The following RPP40 variants were observed in gnomAD, a reference collection of about 807,000 sequenced individuals.
The protein encoded by RPP40 is ribonuclease P/MRP subunit p40.
A neutral mutation model predicts 42.5 loss-of-function variants in RPP40; 30 were observed. The ratio of observed to expected loss-of-function variants is 0.71; its 90% confidence interval spans 0.53 to 0.96. RPP40 has a LOEUF of 0.96. Among genes scored for constraint, RPP40 ranks in the 40% least tolerant of loss-of-function variants. The pLI, the probability that RPP40 is intolerant of heterozygous loss-of-function variation, is 0.00. For synonymous variants in RPP40, 173 were observed against 164.0 expected (o/e 1.05, Z -0.42); for missense variants, 426 against 433.5 (o/e 0.98, Z 0.15).
At chr6:4,996,469 A>G (rs775782972) in intron 5 of RPP40, 49 bp from the exon 6 acceptor site, 1 of 1,585,406 alleles carries the variant, frequency 6.3e-7, no homozygotes, top group South Asian at 1.1e-5. Flanking sequence ...GACCATCGTA[A>G]GCAAGTTTAG....
chr6:5,003,147 G>C (rs1400239341), intron 1 of RPP40, among the ~76,000 whole-genome samples: 3 of 151,942 alleles, frequency 2.0e-5, no homozygotes, highest in Admixed American at 6.6e-5. Flanking sequence ...AGGAGATCGA[G>C]ACCATCCTGG....
At chr6:5,002,284 T>C (rs771416955) in intron 1 of RPP40, 39 bp from the exon 2 acceptor site, 2 of 1,511,778 alleles carry the variant, frequency 1.3e-6, no homozygotes, top group Non-Finnish European at 1.8e-6. Context: ...CTTACTTCCA[T>C]GAAGATGAAC....
rs913469344 is a variant in RPP40, at chr6:5,002,264, C to T, written c.124-19G>A. On this transcript the variant is annotated intron_variant, in intron 1 of 7. Coordinates refer to ENST00000380051, the MANE Select transcript of RPP40 (RefSeq NM_006638.4). The stretch of plus-strand genomic sequence containing the variant: ...ATGAAACCTATTGGAATGTGTAATA[C>T]AAACAAGGTCTTACTTCCATGAAGA... 3 of 1,585,836 alleles carry T rather than the reference C, an allele frequency of 1.9e-6. No homozygotes were observed. In the African/African-American group the frequency reaches 4.1e-5, roughly 22 times the overall value.
Position 4,995,998 on chromosome 6 carries a change from A to C in RPP40, c.846T>G (p.Thr282=). 6.2e-7 allele frequency: 1 copy of C among 1,614,178 alleles called. No homozygotes were observed. Among genetic ancestry groups the C allele is most frequent in the Non-Finnish European group, 8.5e-7 (1 of 1,179,992 alleles). Residue 282 remains threonine (T), a synonymous_variant, in exon 7 of 8, where the codon ACT becomes ACG. Coordinates refer to ENST00000380051, the MANE Select transcript of RPP40 (RefSeq NM_006638.4). ...VVAKAYLCTI[T]GFILPEKICL... ...AGATCTTCTCTGGAAGTATGAAGCC[A>C]GTGATTGTACACAAATAAGCTTTTG...
intron 4 of RPP40, among the ~76,000 whole-genome samples, chr6:4,999,291 ATTTTTTT>A (rs145562587): frequency 3.6e-5 from 3 of 84,282 alleles, no homozygotes; most frequent in African/African-American, 1.4e-4. Context: ...AGTACTTGGA[ATTTTTTT>A]TTTTTTTTTT....
At position 5,003,871 on chromosome 6, in the gene RPP40, C is replaced by G. The variant is rs370544821; in HGVS notation, c.123+9G>C. The G allele has an allele frequency of 9.5e-5, 153 of 1,605,774 alleles. No individual in the cohort carries two copies. The highest frequency in any genetic ancestry group is 5.3e-4 in the South Asian group (48 of 90,846). On this transcript the variant is annotated intron_variant, in intron 1 of 7. Coordinates refer to ENST00000380051, the MANE Select transcript of RPP40 (RefSeq NM_006638.4). ...CACGGCCCGAAAAGCCGAGGACAGC[C>G]GGACTCACCCTGTAGTTATAGTAGT...
Position 4,996,278 on chromosome 6 carries a change from G to A in RPP40, c.702C>T (p.Ser234=). 6.2e-7 allele frequency: 1 copy of A among 1,614,090 alleles called. No individual in the cohort carries two copies. The highest frequency in any genetic ancestry group is 1.1e-5 in the South Asian group (1 of 91,086). The change falls in exon 6 of 8, where the codon TCC becomes TCT. Residue 234 remains serine (S), a synonymous_variant. Coordinates refer to ENST00000380051, the MANE Select transcript of RPP40 (RefSeq NM_006638.4). ...AGTCGAAGAGCTCCAGAGCCCGGCA[G>A]GACACCTCTGGCGTTCCCTCCAGCT... ...SSELEGTPEV[S]CRALELFDWL...
rs1036148182 is a variant in RPP40, at chr6:4,994,810, C to T, written c.*268G>A. 2.2e-5 allele frequency: 9 copies of T among 405,008 alleles called. No individual in the cohort carries two copies. The Admixed American group carries it at 3.1e-4, about 14-fold the overall frequency. The allele number at this position is 405,008 out of a possible 1,614,324, so 25.1% of individuals were successfully genotyped here. A position where few individuals can be genotyped will look rare whatever the true frequency, so the allele number is the denominator to read the frequency against. On this transcript the variant is annotated 3_prime_UTR_variant, in exon 8 of 8. Coordinates refer to ENST00000380051, the MANE Select transcript of RPP40 (RefSeq NM_006638.4). ...TGAGATGGGGACCAATATCCCCGGT[C>T]CCTGGACATCCTGGCCCAGTGTACC... is the stretch of plus-strand genomic sequence containing the variant.
chr6:4,997,747 C>A (rs141323592), intron 5 of RPP40, among the ~76,000 whole-genome samples: 2 of 152,282 alleles, frequency 1.3e-5, no homozygotes, highest in African/African-American at 4.8e-5. Flanking sequence ...GGAATTAAGT[C>A]CTGTGTCTCT....
chr6:5,002,502 C>T (rs1239265427), intron 1 of RPP40, among the ~76,000 whole-genome samples: 1 of 152,200 alleles, frequency 6.6e-6, no homozygotes, highest in African/African-American at 2.4e-5. Flanking sequence ...ATGGAAAACT[C>T]GTGCTTGCAT....
intron 2 of RPP40, 93 bp from the exon 3 acceptor site, chr6:5,000,724 G>T: frequency 1.2e-6 from 1 of 800,912 alleles, no homozygotes; most frequent in Non-Finnish European, 2.1e-6. Context: ...CAGTCTTCCG[G>T]GTCATTAAAG....
downstream of RPP40, among the ~76,000 whole-genome samples, chr6:4,990,876 G>C (rs142757032): frequency 6.6e-6 from 1 of 152,110 alleles, no homozygotes; most frequent in Non-Finnish European, 1.5e-5. Flanking sequence ...GTGAGCTTTG[G>C]TAATTTGTGC....
chr6:4,995,090 G>A lies in RPP40; in HGVS notation c.1080C>T (p.His360=). Residue 360 remains histidine, a synonymous_variant, in exon 8 of 8, where the codon CAC becomes CAT. Coordinates refer to ENST00000380051, the MANE Select transcript of RPP40 (RefSeq NM_006638.4). The stretch of plus-strand genomic sequence containing the variant: ...TAATTTTTATTTTTTATGGTGGACA[G>A]TGATCATTTGCCCCAACAGCCATCT... ...WLQMAVGAND[H]CPP is the part of the protein sequence containing the mutation. 1 of 1,612,738 alleles carries A rather than the reference G, an allele frequency of 6.2e-7. No individual in the cohort carries two copies. Among genetic ancestry groups the A allele is most frequent in the Non-Finnish European group, 8.5e-7 (1 of 1,179,242 alleles).
rs763252093 is a variant in RPP40 at position 4,994,891 on chromosome 6, T to C, written c.*187A>G. 2.3e-5 allele frequency: 14 copies of C among 597,776 alleles called. No homozygotes were observed. Among genetic ancestry groups the C allele is most frequent in the Non-Finnish European group, 4.1e-5 (14 of 339,212 alleles). 37.0% of individuals were successfully genotyped at this position (597,776 alleles called of 1,614,324 possible). A position where few individuals can be genotyped will look rare whatever the true frequency, so the allele number is the denominator to read the frequency against. ...TGACAGAGAGAAATCAACTATGAGC[T>C]ATTCACTGGACAGCAGGCCTTGCTG... is the stretch of plus-strand genomic sequence containing the variant. On this transcript the variant is annotated 3_prime_UTR_variant, in exon 8 of 8. Coordinates refer to ENST00000380051, the MANE Select transcript of RPP40 (RefSeq NM_006638.4).
At chr6:4,992,914 G>A (rs1434712883), downstream of RPP40, among the ~76,000 whole-genome samples, 2 of 152,114 alleles carry the variant, frequency 1.3e-5, no homozygotes, top group Non-Finnish European at 2.9e-5. Context: ...GCACATATCT[G>A]TAACTTATCA....
intron 4 of RPP40, among the ~76,000 whole-genome samples, chr6:4,999,291 ATTTTTTTTTTTTTT>A (rs145562587): frequency 2.4e-5 from 2 of 84,282 alleles, no homozygotes; most frequent in African/African-American, 4.6e-5. Context: ...AGTACTTGGA[ATTTTTTTTTTTTTT>A]TTTTTTTTTT....
intron 2 of RPP40, among the ~76,000 whole-genome samples, chr6:5,001,309 C>G (rs571343528): frequency 2.6e-5 from 4 of 152,176 alleles, no homozygotes; most frequent in Non-Finnish European, 5.9e-5. Flanking sequence ...CCATTGTCCA[C>G]GTAATTCACA....
chr6:4,993,804 G>T (rs1360307978), downstream of RPP40, among the ~76,000 whole-genome samples: 1 of 152,130 alleles, frequency 6.6e-6, no homozygotes, highest in African/African-American at 2.4e-5. Context: ...CTGTTCACAG[G>T]GGTTGGGGGG....
downstream of RPP40, among the ~76,000 whole-genome samples, chr6:4,990,650 AT>A (rs34478088): frequency 0.38 from 50,204 of 131,432 alleles, 8,796 homozygotes; most frequent in African/African-American, 0.44. Context: ...TGCCTGGCTA[AT>A]TTTTTTTTTT....
Sources: gnomAD v4.1 joint callset for allele counts (sites outside exome capture counted in the v4.1 genomes callset) on GRCh38, gnomAD v4.1.1 for gene constraint, MANE v1.5 for transcripts, NCBI Gene and HGNC (gene_info 2026-07-23, HGNC 2026-07-21) for gene names.